Variants in SGCD observed in about 807,000 individuals in gnomAD.
The protein encoded by SGCD is sarcoglycan delta, also known as delta-sarcoglycan.
In SGCD, 18 loss-of-function variants were observed where a neutral mutation model predicts 36.6. The ratio of observed to expected loss-of-function variants is 0.49; its 90% CI spans 0.34 to 0.73. The LOEUF (loss-of-function observed/expected upper bound fraction) is 0.73. Ranked by LOEUF, SGCD falls within the 30% of genes least tolerant of loss-of-function variation. SGCD has a pLI of 0.01. For synonymous variants in SGCD, 133 were observed against 130.6 expected, an observed-to-expected ratio of 1.02 and a Z score of -0.12; for missense variants, 387 against 346.7, an observed-to-expected ratio of 1.12 and a Z score of -0.92.
chr5:155,930,576 A>T (rs1757080409), intron 1 of SGCD, among the ~76,000 whole-genome samples: 1 of 152,152 alleles, frequency 6.6e-6, no homozygotes, highest in Admixed American at 6.5e-5. Flanking sequence ...CAAAGAATGG[A>T]GTAGACCCAG....
intron 1 of SGCD, among the ~76,000 whole-genome samples, chr5:156,080,333 C>A (rs1311764175): frequency 6.6e-6 from 1 of 152,190 alleles, no homozygotes; most frequent in Admixed American, 6.5e-5. Context: ...CCTTCTAGGC[C>A]TTTTTCCCAT....
intron 1 of SGCD, among the ~76,000 whole-genome samples, chr5:155,965,725 CAACT>C (rs1311814340): frequency 6.6e-6 from 1 of 152,084 alleles, no homozygotes; most frequent in African/African-American, 2.4e-5. Flanking sequence ...CCAAGTCAAG[CAACT>C]AACTGACAAC....
intron 3 of SGCD, among the ~76,000 whole-genome samples, chr5:156,211,371 G>T (rs928377697): frequency 6.6e-6 from 1 of 152,140 alleles, no homozygotes; most frequent in Non-Finnish European, 1.5e-5. Flanking sequence ...ACTTTGGGAG[G>T]CCGAGGGGGG....
At chr5:156,607,624 C>A (rs1581245826) in intron 6 of SGCD, among the ~76,000 whole-genome samples, 1 of 152,196 alleles carries the variant, frequency 6.6e-6, no homozygotes, top group Non-Finnish European at 1.5e-5. Flanking sequence ...AGGAATGGTA[C>A]CAGCTCCTCT....
chr5:156,611,488 G>A (rs547422857), intron 6 of SGCD, among the ~76,000 whole-genome samples: 1 of 152,178 alleles, frequency 6.6e-6, no homozygotes, highest in East Asian at 1.9e-4. Context: ...TAGTCTATTA[G>A]ATATTTTCTT....
At chr5:155,796,632 C>T in the SGCD span, among the ~76,000 whole-genome samples, 3 of 151,266 alleles carry the variant, frequency 2.0e-5, no homozygotes, top group South Asian at 2.1e-4. Flanking sequence ...GGAGAAAGCC[C>T]GTCTCTATTA....
intron 7 of SGCD, among the ~76,000 whole-genome samples, chr5:156,682,738 G>A (rs777745779): frequency 2.0e-5 from 3 of 152,182 alleles, no homozygotes; most frequent in Non-Finnish European, 2.9e-5. Flanking sequence ...GGTTCTTCAG[G>A]CCTTTGTGGT....
At chr5:155,923,778 C>T (rs1283194636) in intron 1 of SGCD, among the ~76,000 whole-genome samples, 5 of 152,268 alleles carry the variant, frequency 3.3e-5, no homozygotes, top group East Asian at 1.9e-4. Flanking sequence ...TTGTGTTTTT[C>T]GCCTAGTAGG....
chr5:156,662,941 G>T (rs1442798461), intron 7 of SGCD, among the ~76,000 whole-genome samples: 1 of 150,246 alleles, frequency 6.7e-6, no homozygotes, highest in Non-Finnish European at 1.5e-5. Context: ...AGTGGTATGG[G>T]TTTAGGAGGC....
chr5:156,089,645 T>A (rs989833482), intron 1 of SGCD, among the ~76,000 whole-genome samples: 6 of 152,220 alleles, frequency 3.9e-5, no homozygotes, highest in African/African-American at 1.4e-4. Context: ...TTGAGTGAAG[T>A]AAACCTGTTT....
intron 1 of SGCD, chr5:156,117,777 T>A (rs1332714837): frequency 6.6e-6 from 1 of 152,096 alleles, no homozygotes; most frequent in Non-Finnish European, 1.5e-5. Context: ...TTAGCCAGTA[T>A]TATCTTTGCA....
At chr5:156,550,204 A>G (rs556956881) in intron 4 of SGCD, among the ~76,000 whole-genome samples, 2 of 152,330 alleles carry the variant, frequency 1.3e-5, no homozygotes, top group Non-Finnish European at 2.9e-5. Context: ...CGGAGGTTAC[A>G]GGAATTGTAG....
At chr5:155,945,763 C>T (rs1273131632) in intron 1 of SGCD, among the ~76,000 whole-genome samples, 3 of 152,022 alleles carry the variant, frequency 2.0e-5, no homozygotes, top group Non-Finnish European at 4.4e-5. Context: ...GGAGAAGCGG[C>T]CAGGGACCAG....
chr5:156,537,038 G>A lies in SGCD; in HGVS notation c.294+28336G>A, dbSNP rs536668117. On this transcript the variant is annotated intron_variant, in intron 4 of 8. Transcript: ENST00000337851. ...TTAAGCTGACTTCCTCCCTCGTGAA[G>A]CATTTTCTGGGTTCTTTGGAGATTT... 3.3e-5 allele frequency among the ~76,000 whole-genome samples: 5 copies of A among 152,256 alleles called. No individual in the cohort carries two copies. The South Asian group carries it at 6.2e-4, about 19-fold the overall frequency.
At chr5:156,317,850 G>A (rs1767559509) in intron 3 of SGCD, among the ~76,000 whole-genome samples, 1 of 152,158 alleles carries the variant, frequency 6.6e-6, no homozygotes, top group African/African-American at 2.4e-5. Flanking sequence ...TAGTGAGAGA[G>A]GATGAATGAA....
At chr5:155,794,989 C>T in the SGCD span, among the ~76,000 whole-genome samples, 1 of 152,014 alleles carries the variant, frequency 6.6e-6, no homozygotes, top group South Asian at 2.1e-4. Context: ...TACAATAATA[C>T]TGACAGCTGA....
rs541762615 is a variant in SGCD at position 156,767,014 on chromosome 5, G to A, written c.*7624G>A. ...CACCACAAAACCTTAGTAAAAGGAT[G>A]AGCCAAAAATGAAAAAGACTCGACT... On this transcript the variant is annotated 3_prime_UTR_variant, in exon 9 of 9. Coordinates refer to ENST00000337851, the MANE Select transcript of SGCD (RefSeq NM_000337.6). 6.6e-6 allele frequency: 1 copy of A among 152,260 alleles called. No homozygotes were observed. Among genetic ancestry groups the A allele is most frequent in the South Asian group, 2.1e-4 (1 of 4,824 alleles). 9.4% of individuals were successfully genotyped at this position (152,260 alleles called of 1,614,324 possible). A position where few individuals can be genotyped will look rare whatever the true frequency, so the allele number is the denominator to read the frequency against.
At chr5:156,507,841 A>G (rs948232844) in intron 3 of SGCD, among the ~76,000 whole-genome samples, 1 of 152,228 alleles carries the variant, frequency 6.6e-6, no homozygotes, top group Admixed American at 6.5e-5. Context: ...GCTGTAAGGA[A>G]CTTAATTCAA....
At chr5:156,555,274 G>A (rs764312040) in intron 4 of SGCD, among the ~76,000 whole-genome samples, 6 of 152,156 alleles carry the variant, frequency 3.9e-5, no homozygotes, top group Non-Finnish European at 1.5e-5. Context: ...TTTTGGTGTC[G>A]TATCTAAGAA....
Sources: gnomAD v4.1 joint callset for allele counts (sites outside exome capture counted in the v4.1 genomes callset) on GRCh38, gnomAD v4.1.1 for gene constraint, MANE v1.5 for transcripts, NCBI Gene and HGNC (gene_info 2026-07-23, HGNC 2026-07-21) for gene names.